RBMS3: variants seen among roughly 807,000 people sequenced by gnomAD.
The protein encoded by RBMS3 is RNA-binding motif, single-stranded-interacting protein 3.
RBMS3 carries 27 observed loss-of-function variants against 66.8 expected under a neutral mutation model. The ratio of observed to expected loss-of-function variants is 0.40; its 90% CI spans 0.30 to 0.56. The LOEUF is 0.56. Among genes scored for constraint, RBMS3 ranks in the 20% least tolerant of loss-of-function variants. RBMS3 has a pLI of 0.40. For synonymous variants in RBMS3, 188 were observed against 183.0 expected, an observed-to-expected ratio of 1.03 and a Z score of -0.22; for missense variants, 513 against 549.5, an observed-to-expected ratio of 0.93 and a Z score of 0.66.
At chr3:29,521,042 T>C (rs1268083467) in intron 3 of RBMS3, among the ~76,000 whole-genome samples, 1 of 152,122 alleles carries the variant, frequency 6.6e-6, no homozygotes, top group Non-Finnish European at 1.5e-5. Context: ...TGACTTATTA[T>C]CTAAAATAGC....
At chr3:29,741,163 G>C (rs2054626323) in intron 5 of RBMS3, among the ~76,000 whole-genome samples, 1 of 152,106 alleles carries the variant, frequency 6.6e-6, no homozygotes. Flanking sequence ...TTGTGGTTGT[G>C]GACCATGTGT....
At chr3:29,388,756 G>A (rs2039133756) in intron 1 of RBMS3, among the ~76,000 whole-genome samples, 1 of 152,160 alleles carries the variant, frequency 6.6e-6, no homozygotes, top group Non-Finnish European at 1.5e-5. Flanking sequence ...AGTAGAGACA[G>A]GGTTTCACCA....
rs565913559 is a variant in RBMS3 at position 29,579,023 on chromosome 3, G to C, written c.308-8091G>C. ...TCACCTTGTTAGCCAGGATGGTCTC[G>C]ATCTCCTGACCTCATGATCCACCCG... On this transcript the variant is annotated intron_variant, in intron 3 of 14. Coordinates refer to ENST00000383767, the MANE Select transcript of RBMS3 (RefSeq NM_001003793.3). Among the ~76,000 whole-genome samples the C allele has an allele frequency of 2.6e-4, 38 of 147,234 alleles. 3 individuals carry two copies. Among genetic ancestry groups the C allele is most frequent in the Non-Finnish European group, 5.2e-4 (35 of 67,474 alleles).
intron 1 of RBMS3, among the ~76,000 whole-genome samples, chr3:29,393,127 A>T (rs532054325): frequency 1.6e-4 from 24 of 152,126 alleles, no homozygotes; most frequent in Non-Finnish European, 3.4e-4. Flanking sequence ...GCAGAACATA[A>T]CCTTTTCTAT....
intron 4 of RBMS3, among the ~76,000 whole-genome samples, chr3:29,699,802 A>C (rs1001622398): frequency 6.6e-6 from 1 of 152,192 alleles, no homozygotes; most frequent in Non-Finnish European, 1.5e-5. Context: ...TTGTACACTA[A>C]ACCACAGTGC....
At chr3:29,443,882 C>T (rs1032305602) in intron 2 of RBMS3, among the ~76,000 whole-genome samples, 1 of 152,100 alleles carries the variant, frequency 6.6e-6, no homozygotes, top group Non-Finnish European at 1.5e-5. Flanking sequence ...TTAGGGATAA[C>T]GCCTTAACTC....
At chr3:29,873,151 T>C (rs778446341) in intron 7 of RBMS3, among the ~76,000 whole-genome samples, 3 of 152,146 alleles carry the variant, frequency 2.0e-5, no homozygotes, top group Admixed American at 1.3e-4. Context: ...AGTAGTTTGA[T>C]AGGAATAGCA....
chr3:29,353,977 G>C (rs989822003), intron 1 of RBMS3, among the ~76,000 whole-genome samples: 2 of 152,072 alleles, frequency 1.3e-5, no homozygotes, highest in African/African-American at 4.8e-5. Flanking sequence ...ATTAGTATTA[G>C]ATCTGGAAAC....
chr3:29,970,429 A>G (rs1020512973), intron 12 of RBMS3, among the ~76,000 whole-genome samples: 5 of 152,004 alleles, frequency 3.3e-5, no homozygotes, highest in Non-Finnish European at 7.4e-5. Context: ...TTGCTTATCT[A>G]TTTATTTCAT....
chr3:29,454,291 C>A (rs547852791), intron 2 of RBMS3, among the ~76,000 whole-genome samples: 1 of 152,264 alleles, frequency 6.6e-6, no homozygotes, highest in South Asian at 2.1e-4. Flanking sequence ...GCACTCATCC[C>A]TCTTCTTTTG....
intron 2 of RBMS3, among the ~76,000 whole-genome samples, chr3:29,465,752 A>G (rs532024349): frequency 1.3e-5 from 2 of 152,322 alleles, no homozygotes; most frequent in South Asian, 4.1e-4. Flanking sequence ...AGTTCATAGT[A>G]TTGACTTTCT....
chr3:29,336,094 C>T (rs916187409), intron 1 of RBMS3, among the ~76,000 whole-genome samples: 2 of 152,094 alleles, frequency 1.3e-5, no homozygotes, highest in Non-Finnish European at 1.5e-5. Flanking sequence ...GGAATGAATT[C>T]GGCATCTTTA....
chr3:29,316,109 A>G (rs979665365), intron 1 of RBMS3, among the ~76,000 whole-genome samples: 3 of 151,698 alleles, frequency 2.0e-5, no homozygotes, highest in Non-Finnish European at 4.4e-5. Flanking sequence ...ATATTTCAGG[A>G]AAGAGGCCAT....
At chr3:29,404,345 G>A (rs1180295698) in intron 1 of RBMS3, among the ~76,000 whole-genome samples, 1 of 152,058 alleles carries the variant, frequency 6.6e-6, no homozygotes, top group Non-Finnish European at 1.5e-5. Context: ...TTTATAAAAT[G>A]AAGTGAGAAC....
At chr3:29,576,827 C>T (rs746405085) in intron 3 of RBMS3, among the ~76,000 whole-genome samples, 1 of 152,194 alleles carries the variant, frequency 6.6e-6, no homozygotes, top group Non-Finnish European at 1.5e-5. Context: ...AGTGACTCTT[C>T]AGTCAGCTTG....
chr3:29,993,850 G>T (rs1384125490), intron 14 of RBMS3, among the ~76,000 whole-genome samples: 2 of 152,140 alleles, frequency 1.3e-5, no homozygotes, highest in East Asian at 3.9e-4. Context: ...GATCATTGTA[G>T]ATCATGGGAC....
At chr3:29,511,202 C>T (rs577389245) in intron 3 of RBMS3, among the ~76,000 whole-genome samples, 8 of 152,148 alleles carry the variant, frequency 5.3e-5, no homozygotes, top group African/African-American at 1.7e-4. Context: ...GAGGCTGAGG[C>T]GGGAGAATCA....
intron 4 of RBMS3, among the ~76,000 whole-genome samples, chr3:29,670,182 G>C (rs530121345): frequency 6.6e-6 from 1 of 152,000 alleles, no homozygotes; most frequent in Non-Finnish European, 1.5e-5. Flanking sequence ...GTTAAATGGC[G>C]TTCTCCCAAA....
chr3:29,645,268 C>T (rs969193841), intron 4 of RBMS3, among the ~76,000 whole-genome samples: 1 of 152,102 alleles, frequency 6.6e-6, no homozygotes, highest in African/African-American at 2.4e-5. Context: ...TTGAATTACT[C>T]GAGTGATTGT....
Sources: gnomAD v4.1 joint callset for allele counts (sites outside exome capture counted in the v4.1 genomes callset) on GRCh38, gnomAD v4.1.1 for gene constraint, MANE v1.5 for transcripts, NCBI Gene and HGNC (gene_info 2026-07-23, HGNC 2026-07-21) for gene names.